Variants in MROH1 observed in about 807,000 individuals in gnomAD.
MROH1 encodes the protein maestro heat-like repeat-containing protein family member 1.
Under a neutral mutation model 116.5 loss-of-function variants are expected in MROH1, and 117 were observed. That is an observed-to-expected ratio of 1.00 (90% confidence interval 0.86 to 1.17). The LOEUF (loss-of-function observed/expected upper bound fraction) is 1.17. MROH1 is among the 50% of genes most tolerant of loss of function. The pLI is 0.00. For missense variants in MROH1, 1,873 were observed against 1,338.5 expected (o/e 1.40, Z -6.23); for synonymous variants, 921 against 583.9 (o/e 1.58, Z -8.32).
chr8:144,201,668 A>T (rs953029463), intron 12 of MROH1, among the ~76,000 whole-genome samples: 2 of 152,176 alleles, frequency 1.3e-5, no homozygotes, highest in Admixed American at 6.6e-5. Context: ...TGCAAAGAGC[A>T]GCCACCCAGA....
chr8:144,149,442 G>A (rs1384851167), intron 1 of MROH1, among the ~76,000 whole-genome samples: 3 of 152,174 alleles, frequency 2.0e-5, no homozygotes, highest in African/African-American at 7.2e-5. Flanking sequence ...GACTGCTGAG[G>A]GACACCAGGG....
In MROH1 at chr8:144,240,572, C is replaced by T. The variant is rs1840804665; in HGVS notation, c.1830C>T (p.Phe610=). The T allele has an allele frequency of 1.4e-6, 1 of 716,724 alleles. No homozygotes were observed. The highest frequency in any genetic ancestry group is 2.6e-6 in the Non-Finnish European group (1 of 384,900). 44.4% of individuals were successfully genotyped at this position (716,724 alleles called of 1,614,324 possible). A position where few individuals can be genotyped will look rare whatever the true frequency, so the allele number is the denominator to read the frequency against. The change falls in exon 20 of 44, where the codon TTC becomes TTT. Residue 610 remains phenylalanine, a splice_region_variant and synonymous_variant. Coordinates refer to ENST00000326134, the MANE Select transcript of MROH1 (RefSeq NM_032450.3). ...CTCAGTGGCATCTTGGCCTGCAGTT[C>T]CTGCGAGACACCCTGGCCATCATTT... ...QEEWEEKLLM[F]LRDTLAIISD...
chr8:144,218,082 A>G (rs1835673599), intron 12 of MROH1, among the ~76,000 whole-genome samples: 1 of 151,940 alleles, frequency 6.6e-6, no homozygotes, highest in South Asian at 2.1e-4. Context: ...CCGTCTACTC[A>G]ATTCCATTGC....
chr8:144,150,067 A>G (rs1317005390), intron 1 of MROH1, among the ~76,000 whole-genome samples: 1 of 152,028 alleles, frequency 6.6e-6, no homozygotes, highest in African/African-American at 2.4e-5. Context: ...CTTCTGGGCT[A>G]TTGATTCCTG....
intron 14 of MROH1, 76 bp from the exon 15 acceptor site, chr8:144,238,680 G>A (rs1840454488): frequency 2.2e-5 from 16 of 739,776 alleles, no homozygotes; most frequent in East Asian, 5.0e-5. Context: ...GGTCTGCCCC[G>A]CTTCCGGGCA....
chr8:144,243,866 T>C lies in MROH1; in HGVS notation c.2479T>C (p.Phe827Leu). The C allele has an allele frequency of 1.3e-6, 1 of 779,238 alleles. No individual in the cohort carries two copies. The highest frequency in any genetic ancestry group is 2.4e-6 in the Non-Finnish European group (1 of 417,326). 48.3% of individuals were successfully genotyped at this position (779,238 alleles called of 1,614,324 possible). Residue 827 changes from phenylalanine to leucine, a missense_variant, in exon 26 of 44, where the codon TTC (phenylalanine) becomes CTC (leucine). Physicochemically the swap from Phe to Leu is conservative, Grantham distance 22. Transcript: ENST00000326134. ...KAELVAQMMEFIRAEPPDSLR... is the reference protein window; with the variant it reads ...KAELVAQMMELIRAEPPDSLR... ...GTCATGCACCTGCCTCACCCAGGAG[T>C]TCATCAGGGCAGAGCCCCCGGACTC...
chr8:144,175,309 C>A (rs553542806), intron 4 of MROH1, among the ~76,000 whole-genome samples: 1 of 148,192 alleles, frequency 6.7e-6, no homozygotes, highest in Non-Finnish European at 1.5e-5. Flanking sequence ...CGGGTCCAGT[C>A]GGATGGGTAT....
At chr8:144,161,874 C>T (rs1819618296) in intron 2 of MROH1, among the ~76,000 whole-genome samples, 1 of 152,210 alleles carries the variant, frequency 6.6e-6, no homozygotes, top group South Asian at 2.1e-4. Context: ...CCCGGCCACT[C>T]AGCCCAGCTT....
chr8:144,246,431 A>C (rs1841936387), intron 29 of MROH1, among the ~76,000 whole-genome samples: 2 of 151,926 alleles, frequency 1.3e-5, no homozygotes, highest in African/African-American at 4.8e-5. Flanking sequence ...CGCCCTGCCG[A>C]AACTTTCATT....
intron 33 of MROH1, among the ~76,000 whole-genome samples, chr8:144,253,895 G>A (rs1843248360): frequency 1.3e-5 from 2 of 152,008 alleles, no homozygotes; most frequent in African/African-American, 2.4e-5. Flanking sequence ...ATCTGTCCAG[G>A]AAGCCACTGC....
In MROH1 at chr8:144,239,628, C is replaced by T; in HGVS notation, c.1647C>T (p.Ser549=). ...VTGRLLVVSS[S]PYLGDGRGAA... is the part of the protein sequence containing the mutation. ...CCTCTTTTCAGGTTGTGTCTTCCAGCCCCTACCTAGGGGACGGACGTGGGG... is the reference window on the plus strand; with the variant it reads ...CCTCTTTTCAGGTTGTGTCTTCCAGTCCCTACCTAGGGGACGGACGTGGGG... The change falls in exon 18 of 44, where the codon AGC becomes AGT. Residue 549 remains serine, a synonymous_variant. Coordinates refer to ENST00000326134, the MANE Select transcript of MROH1 (RefSeq NM_032450.3). The T allele has an allele frequency of 2.6e-6, 2 of 771,874 alleles. No homozygotes were observed. Among genetic ancestry groups the T allele is most frequent in the South Asian group, 2.7e-5 (2 of 72,928 alleles). The allele number at this position is 771,874 out of a possible 1,614,324, so 47.8% of individuals were successfully genotyped here.
Position 144,200,410 on chromosome 8 carries a change from G to C in MROH1, c.1028-18G>C. 6.5e-7 allele frequency: 1 copy of C among 1,536,244 alleles called. No homozygotes were observed. Among genetic ancestry groups the C allele is most frequent in the Non-Finnish European group, 8.8e-7 (1 of 1,137,770 alleles). On this transcript the variant is annotated intron_variant, in intron 11 of 43. Transcript: ENST00000326134. ...AACAAGATGACATGGAGCCTAATCT[G>C]TACCCGTTGCCCTGTAGCCTGCAGC...
intron 12 of MROH1, among the ~76,000 whole-genome samples, chr8:144,203,363 G>C (rs981244173): frequency 6.7e-6 from 1 of 149,940 alleles, no homozygotes; most frequent in Admixed American, 6.6e-5. Flanking sequence ...GGGGCGGGGA[G>C]GGGAGCGCTC....
chr8:144,207,225 G>C (rs537655699), intron 12 of MROH1, among the ~76,000 whole-genome samples: 113 of 151,654 alleles, frequency 7.5e-4, no homozygotes, highest in African/African-American at 2.6e-3. Flanking sequence ...GTCGTGCTCT[G>C]TCACCAAGCC....
At chr8:144,174,795 T>G (rs1823412344) in intron 4 of MROH1, 1 of 982,756 alleles carries the variant, frequency 1.0e-6, no homozygotes. Flanking sequence ...ATCCATTTTT[T>G]GTAAAATGTA....
chr8:144,199,755 TC>T (rs150228945), intron 11 of MROH1, among the ~76,000 whole-genome samples: 9,140 of 152,002 alleles, frequency 0.06, 937 homozygotes, highest in African/African-American at 0.21. Flanking sequence ...CATCAACATC[TC>T]CCTGGAGCTG....
intron 1 of MROH1, among the ~76,000 whole-genome samples, chr8:144,156,241 GAAAAA>G (rs1218482716): frequency 1.0e-4 from 6 of 58,504 alleles, no homozygotes; most frequent in South Asian, 8.0e-4. Flanking sequence ...CCGTCTCAAA[GAAAAA>G]AAAAAAAAAA....
At chr8:144,154,493 C>T (rs1817581117) in intron 1 of MROH1, among the ~76,000 whole-genome samples, 1 of 152,102 alleles carries the variant, frequency 6.6e-6, no homozygotes, top group Non-Finnish European at 1.5e-5. Flanking sequence ...CCACGGGCGA[C>T]TGGTTTTACT....
chr8:144,173,427 TA>T (rs1554786342), intron 4 of MROH1, among the ~76,000 whole-genome samples: 191 of 1,368 alleles, frequency 0.14, no homozygotes, highest in Admixed American at 0.24. Context: ...ATTTTTATTT[TA>T]TTTTTTTTTT....
Sources: gnomAD v4.1 joint callset for allele counts (sites outside exome capture counted in the v4.1 genomes callset) on GRCh38, gnomAD v4.1.1 for gene constraint, MANE v1.5 for transcripts, NCBI Gene and HGNC (gene_info 2026-07-23, HGNC 2026-07-21) for gene names.